The following RASL11A variants were observed in gnomAD, a reference collection of about 807,000 sequenced individuals.
RASL11A encodes RAS like family 11 member A, also known as ras-like protein family member 11A.
RASL11A carries 14 observed loss-of-function variants against 17.1 expected under a neutral mutation model. The observed-to-expected ratio is 0.82, with a 90% CI of 0.54 to 1.28. The LOEUF is 1.28. RASL11A is among the 50% of genes most tolerant of loss of function. The probability of loss-of-function intolerance (pLI) is 0.00; values close to 1 mark genes in which losing one functional copy is unlikely to be tolerated. For synonymous variants in RASL11A, 146 were observed against 132.5 expected (o/e 1.10, Z -0.70); for missense variants, 283 against 312.3 (o/e 0.91, Z 0.71).
At position 27,271,003 on chromosome 13, in the gene RASL11A, C is replaced by G. The variant is rs765195600; in HGVS notation, c.59C>G (p.Ser20Trp). Residue 20 changes from serine (S) to tryptophan (W), a missense_variant, in exon 1 of 4, where the codon TCG (serine) becomes TGG (tryptophan). Coordinates refer to ENST00000241463, the MANE Select transcript of RASL11A (RefSeq NM_206827.2). ...CTCGCACCCATCCCCGAGTCCTCCT[C>G]GGACTACCTACTGCCCAAGGACATC... ...FLLAPIPESS[S>W]DYLLPKDIKL... 8.8e-6 allele frequency: 14 copies of G among 1,594,066 alleles called. No individual in the cohort carries two copies. Among genetic ancestry groups the G allele is most frequent in the Non-Finnish European group, 1.2e-5 (14 of 1,170,592 alleles).
Position 27,273,284 on chromosome 13 carries a change from C to T in RASL11A, c.519C>T (p.Phe173=), listed in dbSNP as rs1206698430. 2 of 1,614,110 alleles carry T rather than the reference C, an allele frequency of 1.2e-6. No homozygotes were observed. ...TAGCCAATGAGCTGGGCAGCCTGTT[C>T]CTTGAAATTTCCACTAGCGAAAACT... ...IQLANELGSL[F]LEISTSENYE... is the part of the protein sequence containing the mutation. Residue 173 remains phenylalanine, a synonymous_variant, in exon 4 of 4, where the codon TTC becomes TTT. Coordinates refer to ENST00000241463, the MANE Select transcript of RASL11A (RefSeq NM_206827.2).
At position 27,274,011 on chromosome 13, in the gene RASL11A, A is replaced by G. The variant is rs1882397819; in HGVS notation, c.*517A>G. On this transcript the variant is annotated 3_prime_UTR_variant, in exon 4 of 4. Transcript: ENST00000241463. ...TGAAATTGACACTGTGTGATTTTCA[A>G]GGGAAGGGGTACAATGCTAAAACGT... Among the ~76,000 whole-genome samples the G allele has an allele frequency of 6.6e-6, 1 of 152,168 alleles. No individual in the cohort carries two copies. Among genetic ancestry groups the G allele is most frequent in the South Asian group, 2.1e-4 (1 of 4,824 alleles).
rs1422973622 is a variant in RASL11A, at chr13:27,271,004, G to C, written c.60G>C (p.Ser20=). The change falls in exon 1 of 4, where the codon TCG becomes TCC. Residue 20 remains serine (S), a synonymous_variant. Coordinates refer to ENST00000241463, the MANE Select transcript of RASL11A (RefSeq NM_206827.2). ...FLLAPIPESS[S]DYLLPKDIKL... ...TCGCACCCATCCCCGAGTCCTCCTC[G>C]GACTACCTACTGCCCAAGGACATCA... The C allele has an allele frequency of 1.9e-6, 3 of 1,593,640 alleles. No homozygotes were observed. Among genetic ancestry groups the C allele is most frequent in the South Asian group, 1.1e-5 (1 of 87,730 alleles).
Position 27,273,365 on chromosome 13 carries a change from C to T in RASL11A, c.600C>T (p.His200=), listed in dbSNP as rs745531922. ...QHLCKEVSKM[H]GLSGERRRAS... ...TCTGCAAAGAAGTGAGCAAGATGCA[C>T]GGCCTCAGTGGGGAAAGAAGAAGAG... The change falls in exon 4 of 4, where the codon CAC becomes CAT. Residue 200 remains histidine (H), a synonymous_variant. Transcript: ENST00000241463. 6.2e-7 allele frequency: 1 copy of T among 1,614,204 alleles called. No individual in the cohort carries two copies. The highest frequency in any genetic ancestry group is 1.1e-5 in the South Asian group (1 of 91,082).
At position 27,271,685 on chromosome 13, in the gene RASL11A, C is replaced by G. The variant is rs969663544; in HGVS notation, c.228C>G (p.Ser76=). The G allele has an allele frequency of 6.8e-6, 11 of 1,612,810 alleles. No homozygotes were observed. The highest frequency in any genetic ancestry group is 9.3e-6 in the Non-Finnish European group (11 of 1,179,786). ...RLVYVEGDQL[S]LQIQDTPGGV... ...TCTATGTCGAGGGGGACCAGCTCTC[C>G]CTGCAGATCCAGGATACTCCCGGGG... Residue 76 remains serine (S), a synonymous_variant, in exon 3 of 4, where the codon TCC becomes TCG. Transcript: ENST00000241463.
intron 3 of RASL11A, 24 bp from the exon 4 acceptor site, chr13:27,273,003 G>A (rs1236481805): frequency 1.9e-6 from 3 of 1,597,246 alleles, no homozygotes; most frequent in Admixed American, 1.7e-5. Flanking sequence ...TCCTTGACTG[G>A]ATCTCATTTT....
chr13:27,271,423 G>A, intron 1 of RASL11A, 61 bp from the exon 2 acceptor site: 1 of 1,599,510 alleles, frequency 6.3e-7, no homozygotes, highest in South Asian at 1.1e-5. Flanking sequence ...GTTTGTCCGA[G>A]GTGCCTGGGT....
intron 3 of RASL11A, among the ~76,000 whole-genome samples, chr13:27,272,573 G>T (rs745431686): frequency 9.8e-5 from 15 of 152,362 alleles, no homozygotes; most frequent in Non-Finnish European, 1.6e-4. Context: ...CAGAGGAAAG[G>T]TCTTGTGGAA....
At chr13:27,272,577 T>C (rs1326277008) in intron 3 of RASL11A, among the ~76,000 whole-genome samples, 1 of 152,258 alleles carries the variant, frequency 6.6e-6, no homozygotes, top group African/African-American at 2.4e-5. Flanking sequence ...GGAAAGGTCT[T>C]GTGGAAGAAC....
intron 3 of RASL11A, among the ~76,000 whole-genome samples, chr13:27,272,778 C>G (rs1330451452): frequency 6.6e-6 from 1 of 152,176 alleles, no homozygotes; most frequent in Admixed American, 6.5e-5. Flanking sequence ...CCAGAGACTG[C>G]CTGACAAGCA....
chr13:27,274,169 C>T lies in RASL11A; in HGVS notation c.*675C>T, dbSNP rs946606057. 1.3e-5 allele frequency among the ~76,000 whole-genome samples: 2 copies of T among 152,146 alleles called. No individual in the cohort carries two copies. Among genetic ancestry groups the T allele is most frequent in the Admixed American group, 6.5e-5 (1 of 15,276 alleles). On this transcript the variant is annotated 3_prime_UTR_variant, in exon 4 of 4. Coordinates refer to ENST00000241463, the MANE Select transcript of RASL11A (RefSeq NM_206827.2). ...CACCCAAAAGTTGCCTCAAAATTCT[C>T]CTTCCCTTCCAATAGGGCACCAGAT...
In RASL11A at chr13:27,273,251, T is replaced by C. The variant is rs746589167; in HGVS notation, c.486T>C (p.Gly162=). The C allele has an allele frequency of 6.2e-7, 1 of 1,614,198 alleles. No homozygotes were observed. The highest frequency in any genetic ancestry group is 8.5e-7 in the Non-Finnish European group (1 of 1,180,038). Residue 162 remains glycine (G), a synonymous_variant, in exon 4 of 4, where the codon GGT becomes GGC. Coordinates refer to ENST00000241463, the MANE Select transcript of RASL11A (RefSeq NM_206827.2). ...CCCGGCAGGTGCAGACACAGGACGG[T>C]ATTCAGCTAGCCAATGAGCTGGGCA... The part of the protein sequence containing the change: ...LHARQVQTQD[G]IQLANELGSL...
rs1441184226 is a variant in RASL11A at position 27,274,876 on chromosome 13, C to T, written c.*1382C>T. Among the ~76,000 whole-genome samples the T allele has an allele frequency of 1.3e-5, 2 of 152,216 alleles. No individual in the cohort carries two copies. Among genetic ancestry groups the T allele is most frequent in the African/African-American group, 2.4e-5 (1 of 41,442 alleles). The stretch of plus-strand genomic sequence containing the variant: ...AATGAATAAATGAATGAATGCACCA[C>T]TTATGGTGCCAAGGGTCAATGATGG... On this transcript the variant is annotated 3_prime_UTR_variant, in exon 4 of 4. Transcript: ENST00000241463.
rs777701224 is a variant in RASL11A at position 27,271,698 on chromosome 13, G to T, written c.241G>T (p.Asp81Tyr). Reference sequence around the variant, plus strand: ...GGACCAGCTCTCCCTGCAGATCCAGGATACTCCCGGGGGCGTCCAGGTAAG... The same window carrying T: ...GGACCAGCTCTCCCTGCAGATCCAGTATACTCCCGGGGGCGTCCAGGTAAG... ...EGDQLSLQIQ[D>Y]TPGGVQIQDS... The change falls in exon 3 of 4, where the codon GAT becomes TAT. Residue 81 changes from aspartate (D) to tyrosine (Y), a missense_variant. Physicochemically the swap from Asp to Tyr is radical, Grantham distance 160 (BLOSUM62 -3). Coordinates refer to ENST00000241463, the MANE Select transcript of RASL11A (RefSeq NM_206827.2). The T allele has an allele frequency of 6.2e-7, 1 of 1,611,704 alleles. No homozygotes were observed. Among genetic ancestry groups the T allele is most frequent in the Non-Finnish European group, 8.5e-7 (1 of 1,179,358 alleles).
chr13:27,271,615 A>T (rs1882292127), intron 2 of RASL11A, 24 bp from the exon 3 acceptor site: 1 of 1,613,774 alleles, frequency 6.2e-7, no homozygotes, highest in Non-Finnish European at 8.5e-7. Context: ...AGAATTAAAA[A>T]GCAAACTCTA....
rs1882362028 is a variant in RASL11A, at chr13:27,273,343, G to GC, written c.579dup (p.Lys194GlnfsTer67). 1 of 1,614,172 alleles carries GC rather than the reference G, an allele frequency of 6.2e-7. No individual in the cohort carries two copies. Among genetic ancestry groups the GC allele is most frequent in the East Asian group, 2.2e-5 (1 of 44,888 alleles). On this transcript the variant is annotated frameshift_variant, in exon 4 of 4. Transcript: ENST00000241463. LOFTEE classifies it high-confidence loss of function. ...GTCTGTGATGTGTTTCAGCATCTCT[G>GC]CAAAGAAGTGAGCAAGATGCACGGC...
At position 27,274,638 on chromosome 13, in the gene RASL11A, C is replaced by T. The variant is rs1593269587; in HGVS notation, c.*1144C>T. Among the ~76,000 whole-genome samples the T allele has an allele frequency of 6.6e-6, 1 of 152,132 alleles. No homozygotes were observed. The highest frequency in any genetic ancestry group is 2.1e-4 in the South Asian group (1 of 4,826). ...GCTTGCTAACTCATCTTTAAAAACC[C>T]AAGTCACATGCTATATTCAGCTCTG... On this transcript the variant is annotated 3_prime_UTR_variant, in exon 4 of 4. Coordinates refer to ENST00000241463, the MANE Select transcript of RASL11A (RefSeq NM_206827.2).
Position 27,271,257 on chromosome 13 carries a change from C to T in RASL11A, c.124+189C>T. 4.1e-6 allele frequency: 6 copies of T among 1,448,562 alleles called. No individual in the cohort carries two copies. In the East Asian group the frequency reaches 7.5e-5, roughly 18 times the overall value. The allele number at this position is 1,448,562 out of a possible 1,614,324, so 89.7% of individuals were successfully genotyped here. A position where few individuals can be genotyped will look rare whatever the true frequency, so the allele number is the denominator to read the frequency against. ...TCCCTGGCGTTTCCTGGTGCATCTA[C>T]TCCTGGGATCTCGGCGGGATTGGCG... On this transcript the variant is annotated intron_variant, in intron 1 of 3. Coordinates refer to ENST00000241463, the MANE Select transcript of RASL11A (RefSeq NM_206827.2).
intron 1 of RASL11A, 27 bp from the exon 2 acceptor site, chr13:27,271,457 C>G (rs372932961): frequency 6.8e-6 from 11 of 1,613,792 alleles, no homozygotes; most frequent in African/African-American, 1.3e-5. Flanking sequence ...TCTACTCCTT[C>G]GGTTGATTTT....
Sources: allele counts gnomAD v4.1 joint callset (sites outside exome capture counted in the v4.1 genomes callset), GRCh38; gene constraint gnomAD v4.1.1; transcripts MANE v1.5; gene names NCBI Gene and HGNC (gene_info 2026-07-23, HGNC 2026-07-21).